The following ANKRD6 variants were observed in gnomAD, a reference collection of about 807,000 sequenced individuals.
ANKRD6 encodes ankyrin repeat domain-containing protein 6.
In ANKRD6, 56 loss-of-function variants were observed where a neutral mutation model predicts 82.3. That is an observed-to-expected ratio of 0.68 (90% CI 0.55 to 0.85). ANKRD6 has a LOEUF of 0.85. Ranked by LOEUF, ANKRD6 falls within the 40% of genes least tolerant of loss-of-function variation. ANKRD6 has a pLI of 0.00. For missense variants in ANKRD6, 852 were observed against 907.6 expected, an observed-to-expected ratio of 0.94 and a Z score of 0.79; for synonymous variants, 347 against 352.1, an observed-to-expected ratio of 0.99 and a Z score of 0.16.
At chr6:89,602,261 C>CT (rs529349512) in intron 3 of ANKRD6, 11 of 152,332 alleles carry the variant, frequency 7.2e-5, no homozygotes, top group African/African-American at 2.4e-4. Context: ...CTTCAGAACT[C>CT]TCCTGTTACA....
chr6:89,531,290 G>A (rs1342995711), intron 1 of ANKRD6, among the ~76,000 whole-genome samples: 4 of 152,242 alleles, frequency 2.6e-5, no homozygotes, highest in Admixed American at 6.5e-5. Context: ...CAATAGAATG[G>A]AAGATATGGG....
chr6:89,500,026 G>C lies in ANKRD6; in HGVS notation c.-144+66651G>C, dbSNP rs374135652. ...CATCTGGGCTTATAATTTGTTCACT[G>C]TCTCTCCAGATTCCATCACACCCCA... On this transcript the variant is annotated intron_variant, in intron 1 of 15. Transcript: ENST00000339746. Among the ~76,000 whole-genome samples the C allele has an allele frequency of 9.9e-5, 15 of 152,284 alleles. No homozygotes were observed. In the East Asian group the frequency reaches 2.3e-3, roughly 24 times the overall value.
intron 1 of ANKRD6, among the ~76,000 whole-genome samples, chr6:89,473,286 C>A (rs1434847968): frequency 6.6e-6 from 1 of 151,924 alleles, no homozygotes; most frequent in South Asian, 2.1e-4. Flanking sequence ...CGGCGTATGC[C>A]CATAATCCCA....
intron 7 of ANKRD6, among the ~76,000 whole-genome samples, 185 bp downstream of exon 7, chr6:89,614,075 T>C (rs935483079): frequency 6.6e-6 from 1 of 152,242 alleles, no homozygotes; most frequent in African/African-American, 2.4e-5. Context: ...TTATCTGGCC[T>C]GCTAGAGAAA....
chr6:89,522,749 T>C (rs1042662294), intron 1 of ANKRD6, among the ~76,000 whole-genome samples: 7 of 152,094 alleles, frequency 4.6e-5, no homozygotes, highest in Non-Finnish European at 1.0e-4. Context: ...TAGAGAAATT[T>C]CCCATAGAAT....
In ANKRD6 at chr6:89,567,022, G is replaced by T. The variant is rs536168606; in HGVS notation, c.46G>T (p.Val16Leu). ...CGCTGCACTTTCAGAGCGCCTTCTC[G>T]TAGCTGCGTACAAAGGCCAAACAGA... is the stretch of plus-strand genomic sequence containing the variant. ...AVAALSERLL[V>L]AAYKGQTENV... The change falls in exon 2 of 16, where the codon GTA becomes TTA. Residue 16 changes from valine (V) to leucine (L), a missense_variant. Transcript: ENST00000339746. 2.5e-6 allele frequency: 4 copies of T among 1,606,154 alleles called. No individual in the cohort carries two copies. Among genetic ancestry groups the T allele is most frequent in the South Asian group, 2.2e-5 (2 of 89,104 alleles).
At position 89,612,199 on chromosome 6, in the gene ANKRD6, C is replaced by G. The variant is rs954039505; in HGVS notation, c.418-73C>G. 8 of 1,372,662 alleles carry G rather than the reference C, an allele frequency of 5.8e-6. No individual in the cohort carries two copies. In the African/African-American group the frequency reaches 1.0e-4, roughly 17 times the overall value. 85.0% of individuals were successfully genotyped at this position (1,372,662 alleles called of 1,614,324 possible). ...CCTTTTCCCCCGAGTAAGTACTGCC[C>G]CTCTGCAAGGCATGCAAGTCTGTGC... On this transcript the variant is annotated intron_variant, in intron 5 of 15. Coordinates refer to ENST00000339746, the MANE Select transcript of ANKRD6 (RefSeq NM_001242809.2).
At chr6:89,506,977 A>G (rs997493385) in intron 1 of ANKRD6, among the ~76,000 whole-genome samples, 2 of 152,234 alleles carry the variant, frequency 1.3e-5, no homozygotes, top group African/African-American at 4.8e-5. Flanking sequence ...TGAGGATTCC[A>G]TATGCAATAT....
intron 1 of ANKRD6, among the ~76,000 whole-genome samples, chr6:89,494,851 C>T (rs1246545694): frequency 6.6e-6 from 1 of 152,132 alleles, no homozygotes; most frequent in African/African-American, 2.4e-5. Context: ...AACTCATTAC[C>T]ACATCAGAGA....
At chr6:89,618,888 G>A (rs1352281597) in intron 9 of ANKRD6, among the ~76,000 whole-genome samples, 1 of 152,054 alleles carries the variant, frequency 6.6e-6, no homozygotes. Context: ...TTTCCAGATT[G>A]GCACTATTCT....
At chr6:89,601,719 A>G (rs1383959861) in intron 3 of ANKRD6, 2 of 152,216 alleles carry the variant, frequency 1.3e-5, no homozygotes, top group Non-Finnish European at 2.9e-5. Context: ...TTGTTGTGCA[A>G]CCATCACCAC....
intron 1 of ANKRD6, among the ~76,000 whole-genome samples, chr6:89,468,916 T>A (rs141873357): frequency 6.6e-5 from 10 of 152,268 alleles, no homozygotes; most frequent in African/African-American, 2.4e-4. Context: ...TTTATGGGTC[T>A]GTTTATTTTT....
intron 1 of ANKRD6, among the ~76,000 whole-genome samples, chr6:89,464,508 A>G (rs1438841941): frequency 6.6e-6 from 1 of 152,222 alleles, no homozygotes; most frequent in Non-Finnish European, 1.5e-5. Context: ...TTTGGAGGCT[A>G]GAGCAGGAAC....
intron 1 of ANKRD6, among the ~76,000 whole-genome samples, chr6:89,486,140 G>C (rs575299814): frequency 5.7e-4 from 86 of 152,156 alleles, no homozygotes; most frequent in Middle Eastern, 6.8e-3. Flanking sequence ...TATTGTTTCT[G>C]AGACATATAG....
chr6:89,630,367 G>T, intron 15 of ANKRD6, 66 bp from the exon 16 acceptor site: 1 of 1,535,574 alleles, frequency 6.5e-7, no homozygotes, highest in Non-Finnish European at 8.7e-7. Flanking sequence ...CTAAAATACT[G>T]ACCCGCAGCC....
rs1801694479 is a variant in ANKRD6 at position 89,616,813 on chromosome 6, TG to T, written c.714+157del. ...GCCCCCAGGGCCATTGGGGTGGACT[TG>T]AAGGGTACCCCTGCTCTGAGCAGCC... On this transcript the variant is annotated intron_variant, in intron 8 of 15. Transcript: ENST00000339746. 3 of 778,748 alleles carry T rather than the reference TG, an allele frequency of 3.9e-6. 1 individual carries two copies. The highest frequency in any genetic ancestry group is 4.5e-4 in the Middle Eastern group (2 of 4,462). The allele number at this position is 778,748 out of a possible 1,614,324, so 48.2% of individuals were successfully genotyped here.
chr6:89,565,938 G>C (rs1352191877), intron 1 of ANKRD6, among the ~76,000 whole-genome samples: 1 of 152,218 alleles, frequency 6.6e-6, no homozygotes, highest in Non-Finnish European at 1.5e-5. Context: ...ATAATTACCA[G>C]TGGCTTTGGT....
At chr6:89,518,067 A>G (rs888925709) in intron 1 of ANKRD6, among the ~76,000 whole-genome samples, 14 of 152,268 alleles carry the variant, frequency 9.2e-5, no homozygotes, top group Middle Eastern at 3.2e-3. Flanking sequence ...TCCTGTTTTC[A>G]TGGTGTCTAG....
At chr6:89,465,278 C>G (rs1774713296) in intron 1 of ANKRD6, among the ~76,000 whole-genome samples, 1 of 151,856 alleles carries the variant, frequency 6.6e-6, no homozygotes, top group African/African-American at 2.4e-5. Flanking sequence ...TGCCACCAAG[C>G]CTGGCTAATT....
Sources: gnomAD v4.1 joint callset for allele counts (sites outside exome capture counted in the v4.1 genomes callset) on GRCh38, gnomAD v4.1.1 for gene constraint, MANE v1.5 for transcripts, NCBI Gene and HGNC (gene_info 2026-07-23, HGNC 2026-07-21) for gene names.